The following MFSD12 variants were observed in gnomAD, a reference collection of about 807,000 sequenced individuals.
The protein encoded by MFSD12 is major facilitator superfamily domain-containing protein 12.
MFSD12 carries 67 observed loss-of-function variants against 51.2 expected under a neutral mutation model. The observed-to-expected ratio is 1.31, with a 90% CI of 1.08 to 1.60. The LOEUF is 1.60. MFSD12 is among the 40% of genes most tolerant of loss of function. The pLI, the probability that MFSD12 is intolerant of heterozygous loss-of-function variation, is 0.00. For synonymous variants in MFSD12, 441 were observed against 316.7 expected (o/e 1.39, Z -4.17); for missense variants, 921 against 673.0 (o/e 1.37, Z -4.08).
At chr19:3,545,653 CT>C (rs1274990694) in intron 8 of MFSD12, among the ~76,000 whole-genome samples, 1 of 152,232 alleles carries the variant, frequency 6.6e-6, no homozygotes, top group African/African-American at 2.4e-5. Context: ...ACATGTTCAC[CT>C]CTGTGACTAT....
At position 3,548,134 on chromosome 19, in the gene MFSD12, G is replaced by C; in HGVS notation, c.643C>G (p.Pro215Ala). 1 of 1,606,846 alleles carries C rather than the reference G, an allele frequency of 6.2e-7. No homozygotes were observed. Among genetic ancestry groups the C allele is most frequent in the Non-Finnish European group, 8.5e-7 (1 of 1,178,768 alleles). ...GGACTCCAGCTCACCCGGAACACGG[G>C]CACGTCCTGGCCCCCCAGCTGGTCG... is the stretch of plus-strand genomic sequence containing the variant. ...ISDQLGGQDV[P>A]VFRNLSLLVV... Residue 215 changes from proline (P) to alanine (A), a missense_variant, in exon 3 of 10, where the codon CCC becomes GCC. Coordinates refer to ENST00000355415, the MANE Select transcript of MFSD12 (RefSeq NM_174983.5).
chr19:3,539,563 G>A (rs1018515801), downstream of MFSD12: 42 of 391,492 alleles, frequency 1.1e-4, no homozygotes, highest in Non-Finnish European at 1.5e-4. Flanking sequence ...AGGCCTGTGC[G>A]GGGCTGGGCC....
chr19:3,543,305 A>T (rs1257354744), downstream of MFSD12: 18 of 1,548,976 alleles, frequency 1.2e-5, no homozygotes, highest in Non-Finnish European at 1.6e-5. Flanking sequence ...CTGGAAGTAC[A>T]CGCCCATGGG....
exon 5 of MFSD12, chr19:3,538,489 T>G (rs1044027026): frequency 1.5e-5 from 5 of 326,954 alleles, no homozygotes; most frequent in African/African-American, 1.1e-4. Flanking sequence ...TCTCCCTGAT[T>G]CTGTGGATTG....
At chr19:3,547,619 C>T (rs549946200) in intron 4 of MFSD12, 72 bp from the exon 5 acceptor site, 18 of 1,417,760 alleles carry the variant, frequency 1.3e-5, no homozygotes, top group African/African-American at 4.2e-5. Context: ...CAGGGGGCAC[C>T]GGGGCCAGGG....
intron 1 of MFSD12, among the ~76,000 whole-genome samples, chr19:3,555,896 G>A (rs114516418): frequency 1.3e-3 from 201 of 152,350 alleles, no homozygotes; most frequent in African/African-American, 4.5e-3. Context: ...CCCAGGGTCC[G>A]GGAGGGGAGA....
Position 3,557,483 on chromosome 19 carries a change from C to A in MFSD12, c.-80G>T. On this transcript the variant is annotated 5_prime_UTR_variant, in exon 1 of 10. Transcript: ENST00000355415. ...CAGGCCTTCTTGGGTGCCGTGGGGG[C>A]AGGCGCCGGGGACCCCCACCACGCG... The A allele has an allele frequency of 3.2e-6, 3 of 935,726 alleles. No individual in the cohort carries two copies. Among genetic ancestry groups the A allele is most frequent in the South Asian group, 5.3e-5 (1 of 18,884 alleles). The allele number at this position is 935,726 out of a possible 1,614,324, so 58.0% of individuals were successfully genotyped here.
chr19:3,539,562 C>CG (rs945396880), downstream of MFSD12: 29 of 389,216 alleles, frequency 7.5e-5, no homozygotes, highest in Non-Finnish European at 1.3e-4. Context: ...CAGGCCTGTG[C>CG]GGGGCTGGGC....
Position 3,546,061 on chromosome 19 carries a change from C to T in MFSD12, c.1289+13G>A, listed in dbSNP as rs1315117099. On this transcript the variant is annotated intron_variant, in intron 8 of 9. Coordinates refer to ENST00000355415, the MANE Select transcript of MFSD12 (RefSeq NM_174983.5). ...CTGAACAAAAGAATGAATGAACGAA[C>T]AGCGGCACTCACGGGCAAGGGTGCA... The T allele has an allele frequency of 1.2e-6, 2 of 1,612,548 alleles. No homozygotes were observed. Among genetic ancestry groups the T allele is most frequent in the African/African-American group, 2.7e-5 (2 of 74,926 alleles).
At chr19:3,553,697 G>A (rs1309650454) in intron 1 of MFSD12, among the ~76,000 whole-genome samples, 1 of 141,200 alleles carries the variant, frequency 7.1e-6, no homozygotes, top group Non-Finnish European at 1.5e-5. Context: ...GTGAATCCGG[G>A]AGGCAGAGCT....
At chr19:3,540,029 A>T (rs1021134515), downstream of MFSD12, 1 of 151,230 alleles carries the variant, frequency 6.6e-6, no homozygotes, top group Non-Finnish European at 1.5e-5. Context: ...AGACAGGAGG[A>T]TCACTTGAGC....
intron 2 of MFSD12, among the ~76,000 whole-genome samples, chr19:3,548,998 G>A (rs909671895): frequency 6.6e-6 from 1 of 152,200 alleles, no homozygotes; most frequent in Non-Finnish European, 1.5e-5. Flanking sequence ...GGCGCTGTGA[G>A]GACCCTGGCT....
At position 3,547,912 on chromosome 19, in the gene MFSD12, G is replaced by A. The variant is rs1329491009; in HGVS notation, c.773C>T (p.Ala258Val). Residue 258 changes from alanine to valine, a missense_variant, in exon 4 of 10, where the codon GCC becomes GTC. Coordinates refer to ENST00000355415, the MANE Select transcript of MFSD12 (RefSeq NM_174983.5). ...CAGCAGGGGCTGGGCCGTGGCAGGGGCCAACAGGGGGGTGTGCTCGCCTGG... is the reference window on the plus strand; with the variant it reads ...CAGCAGGGGCTGGGCCGTGGCAGGGACCAACAGGGGGGTGTGCTCGCCTGG... ...EEPGEHTPLL[A>V]PATAQPLLLW... is the part of the protein sequence containing the mutation. 4.4e-6 allele frequency: 7 copies of A among 1,574,012 alleles called. No homozygotes were observed. The East Asian group carries it at 1.4e-4, about 31-fold the overall frequency.
At position 3,544,340 on chromosome 19, in the gene MFSD12, G is replaced by C. The variant is rs1275694926; in HGVS notation, c.*370C>G. On this transcript the variant is annotated 3_prime_UTR_variant, in exon 10 of 10. Transcript: ENST00000355415. ...CTCCAGCCGTCCTGAGGGGGCCCTG[G>C]CAGTGTCTGGAGACCCCCAGGCTGG... The C allele has an allele frequency of 7.9e-7, 1 of 1,269,294 alleles. No individual in the cohort carries two copies. Among genetic ancestry groups the C allele is most frequent in the South Asian group, 2.8e-5 (1 of 36,146 alleles). The allele number at this position is 1,269,294 out of a possible 1,614,324, so 78.6% of individuals were successfully genotyped here. A position where few individuals can be genotyped will look rare whatever the true frequency, so the allele number is the denominator to read the frequency against.
rs998610026 is a variant in MFSD12, at chr19:3,551,325, G to A, written c.299-131C>T. 16 of 712,186 alleles carry A rather than the reference G, an allele frequency of 2.2e-5. No homozygotes were observed. Among genetic ancestry groups the A allele is most frequent in the African/African-American group, 3.6e-5 (2 of 55,772 alleles). The allele number at this position is 712,186 out of a possible 1,614,324, so 44.1% of individuals were successfully genotyped here. A position where few individuals can be genotyped will look rare whatever the true frequency, so the allele number is the denominator to read the frequency against. ...ACGCCCCCCGCATGCACACAGTCACGCAGGAGCGAGGGTCTGCAGTCGGGG... is the reference window on the plus strand; with the variant it reads ...ACGCCCCCCGCATGCACACAGTCACACAGGAGCGAGGGTCTGCAGTCGGGG... On this transcript the variant is annotated intron_variant, in intron 1 of 9. Coordinates refer to ENST00000355415, the MANE Select transcript of MFSD12 (RefSeq NM_174983.5). This position sits in a 1 kb window ranked among gnomAD's most constrained non-coding sequence, Gnocchi z 4.6.
At chr19:3,543,947 G>A (rs1157973602), downstream of MFSD12, 4 of 1,551,100 alleles carry the variant, frequency 2.6e-6, no homozygotes, top group Non-Finnish European at 3.5e-6. Flanking sequence ...AGTGGGTCCT[G>A]GAACCATACT....
intron 4 of MFSD12, chr19:3,539,078 G>A (rs1009620736): frequency 4.1e-6 from 3 of 729,584 alleles, no homozygotes; most frequent in East Asian, 2.7e-5. Flanking sequence ...GCTGGGAGGA[G>A]GGAGTGGTCA....
Position 3,547,488 on chromosome 19 carries a change from G to A in MFSD12, c.897C>T (p.Ala299=), listed in dbSNP as rs1006237679. The A allele has an allele frequency of 1.9e-6, 3 of 1,613,032 alleles. No individual in the cohort carries two copies. Among genetic ancestry groups the A allele is most frequent in the African/African-American group, 2.7e-5 (2 of 74,942 alleles). ...LIVNLSQTYM[A]MYLTYSLHLP... is the part of the protein sequence containing the mutation. ...GGTGGAGCGAGTAGGTGAGGTACAT[G>A]GCCATGTAGGTCTGGGACAGGTTCA... The change falls in exon 5 of 10, where the codon GCC becomes GCT. Residue 299 remains alanine, a synonymous_variant. Transcript: ENST00000355415.
downstream of MFSD12, chr19:3,542,480 CT>C (rs1271705392): frequency 1.0e-6 from 1 of 984,302 alleles, no homozygotes; most frequent in Admixed American, 6.2e-5. Context: ...AGTCTCTTGT[CT>C]TTTTGTTTTT....
Sources: gnomAD v4.1 joint callset for allele counts (sites outside exome capture counted in the v4.1 genomes callset) on GRCh38, gnomAD v4.1.1 for gene constraint, Gnocchi (gnomAD v3.1) non-coding constraint, MANE v1.5 for transcripts, NCBI Gene and HGNC (gene_info 2026-07-23, HGNC 2026-07-21) for gene names.